Variants in TAF1 observed in about 807,000 individuals in gnomAD.
TAF1 encodes transcription initiation factor TFIID subunit 1.
TAF1 carries 2 observed loss-of-function variants against 138.5 expected under a neutral mutation model. The ratio of observed to expected loss-of-function variants is 0.01; its 90% CI spans 0.01 to 0.05. The LOEUF (loss-of-function observed/expected upper bound fraction) is 0.05. TAF1 is among the 10% of genes least tolerant of loss of function. The probability of loss-of-function intolerance (pLI) is 1.00; values close to 1 mark genes in which losing one functional copy is unlikely to be tolerated. For synonymous variants in TAF1, 437 were observed against 503.2 expected (o/e 0.87, Z 1.76); for missense variants, 709 against 1,478.0 (o/e 0.48, Z 8.53).
At chrX:71,448,106 T>C (rs1041119013) in intron 32 of TAF1, among the ~76,000 whole-genome samples, 5 of 112,136 alleles carry the variant, frequency 4.5e-5, no homozygotes, top group Non-Finnish European at 9.4e-5. Context: ...TCATTCATTT[T>C]GGTGTCATTC....
chrX:71,522,919 C>T (rs1359037010), intron 13 of TAF1, among the ~76,000 whole-genome samples: 3 of 107,186 alleles, frequency 2.8e-5, no homozygotes, highest in Non-Finnish European at 5.8e-5. Flanking sequence ...CAGTGGCTCA[C>T]GCCTGTAATC....
Position 71,383,106 on chromosome X carries a change from C to G in TAF1, c.1889C>G (p.Ser630Cys). The part of the protein sequence containing the change: ...PLKKYSFGAL[S>C]QPGPHSVQPL... ...AAAAAGTACTCATTTGGTGCACTTT[C>G]TCAGCCAGGTCCCCACTCAGTCCAA... The change falls in exon 12 of 38, where the codon TCT becomes TGT. Residue 630 changes from serine (S) to cysteine (C), a missense_variant. This residue lies in a region of TAF1 where 201 missense variants were observed against 421.3 expected (regional missense o/e 0.48). Transcript: ENST00000423759. 1 of 1,209,348 alleles carries G rather than the reference C, an allele frequency of 8.3e-7. No homozygotes were observed. Among genetic ancestry groups the G allele is most frequent in the Non-Finnish European group, 1.1e-6 (1 of 895,222 alleles).
chrX:71,412,039 A>G (rs756220341), intron 28 of TAF1, among the ~76,000 whole-genome samples: 33 of 111,076 alleles, frequency 3.0e-4, no homozygotes, highest in African/African-American at 9.8e-4. Flanking sequence ...TAAATCAGGC[A>G]TGAGCCACCA....
chrX:71,376,277 C>A (rs980416207), intron 4 of TAF1, among the ~76,000 whole-genome samples: 12 of 111,931 alleles, frequency 1.1e-4, no homozygotes, highest in African/African-American at 3.9e-4. Flanking sequence ...TAAAAAAATT[C>A]TCCAGCTCAT....
chrX:71,382,176 G>A (rs756792525), intron 9 of TAF1, among the ~76,000 whole-genome samples: 2 of 112,139 alleles, frequency 1.8e-5, no homozygotes, highest in South Asian at 7.3e-4. Context: ...TCATGGACTC[G>A]AAACTTCTAG....
intron 32 of TAF1, among the ~76,000 whole-genome samples, chrX:71,443,376 C>T (rs1168138234): frequency 1.8e-5 from 2 of 111,784 alleles, no homozygotes; most frequent in Non-Finnish European, 3.8e-5. Flanking sequence ...AGGTCCTTCA[C>T]ATCGCTTGTA....
At chrX:71,512,782 C>A (rs932004625) in intron 13 of TAF1, among the ~76,000 whole-genome samples, 1 of 111,030 alleles carries the variant, frequency 9.0e-6, no homozygotes. Context: ...TGTGCCACTG[C>A]ACTCCAGCCT....
intron 12 of TAF1, 117 bp from the exon 13 acceptor site, chrX:71,383,845 T>C: frequency 2.2e-6 from 2 of 900,271 alleles, no homozygotes; most frequent in Middle Eastern, 3.4e-4. Flanking sequence ...AAATTTTGAT[T>C]ATGAAATTGG....
At chrX:71,510,233 A>G (rs1392425580) in intron 13 of TAF1, among the ~76,000 whole-genome samples, 1 of 110,970 alleles carries the variant, frequency 9.0e-6, no homozygotes, top group Non-Finnish European at 1.9e-5. Flanking sequence ...GTTAGAGGCT[A>G]AGCTTTCAGG....
chrX:71,461,782 C>A (rs1039505459), intron 37 of TAF1, among the ~76,000 whole-genome samples: 5 of 111,603 alleles, frequency 4.5e-5, no homozygotes, highest in Non-Finnish European at 9.4e-5. Flanking sequence ...AGTAGGAAAC[C>A]TAAAACAGGT....
intron 7 of TAF1, 28 bp from the exon 8 acceptor site, chrX:71,378,796 A>T (rs751007852): frequency 8.4e-7 from 1 of 1,188,407 alleles, no homozygotes; most frequent in African/African-American, 1.8e-5. Context: ...CCAATCAAGG[A>T]TGTGTTTTTT....
Position 71,394,082 on chromosome X carries a change from T to C in TAF1, c.3243T>C (p.Thr1081=). Residue 1081 remains threonine (T), a synonymous_variant, in exon 22 of 38, where the codon ACT becomes ACC. Transcript: ENST00000423759. ...CTCTTTTTAGGGTTCTGTCATCAACTGAAGTCTTATCAACTGACACAGACA... is the reference window on the plus strand; with the variant it reads ...CTCTTTTTAGGGTTCTGTCATCAACCGAAGTCTTATCAACTGACACAGACA... ...FDLQNKVLSS[T]EVLSTDTDSS... 8.3e-7 allele frequency: 1 copy of C among 1,210,732 alleles called. No individual in the cohort carries two copies. The highest frequency in any genetic ancestry group is 1.1e-6 in the Non-Finnish European group (1 of 895,105).
Position 71,387,418 on chromosome X carries a change from C to T in TAF1, c.2384C>T (p.Pro795Leu). The T allele has an allele frequency of 8.3e-7, 1 of 1,211,761 alleles. No homozygotes were observed. The change falls in exon 15 of 38, where the codon CCT (proline) becomes CTT (leucine). Residue 795 changes from proline to leucine, a missense_variant. Physicochemically the swap from Pro to Leu is moderately conservative, Grantham distance 98. Coordinates refer to ENST00000423759, the MANE Select transcript of TAF1 (RefSeq NM_004606.5). ...TGTCCCTTGTTTGAAGTTCCTGGGC[C>T]TAACTCCAAAAGGGCCAATACGCAT... ...QQCPLFEVPG[P>L]NSKRANTHIR...
chrX:71,371,158 A>G (rs1336956356), intron 3 of TAF1, among the ~76,000 whole-genome samples: 1 of 111,777 alleles, frequency 8.9e-6, no homozygotes, highest in African/African-American at 3.3e-5. Context: ...GGTGAGTTTT[A>G]TGAGCTAACT....
chrX:71,484,912 C>A lies in TAF1; in HGVS notation c.1366+24109C>A, dbSNP rs2039143961. 2.7e-5 allele frequency: 3 copies of A among 112,030 alleles called. No individual in the cohort carries two copies. The Admixed American group carries it at 2.9e-4, about 11-fold the overall frequency. 9.2% of individuals were successfully genotyped at this position (112,030 alleles called of 1,213,427 possible). The stretch of plus-strand genomic sequence containing the variant: ...ATGAACTTCAATACCCTGATGAAAC[C>A]AGCTGCTGTGTTGTTGTGAGCTCCC... On this transcript the variant is annotated intron_variant and NMD_transcript_variant, in intron 13 of 14. Coordinates refer to the TAF1 transcript ENST00000373775.
rs148107654 is a variant in TAF1, at chrX:71,526,779, G to A, written c.1367-1763G>A. Reference sequence around the variant, plus strand: ...CCATTTGAAGAGACAACAATTTTTAGGCCAGTAATTACAGGCATCCATCAT... The same window carrying A: ...CCATTTGAAGAGACAACAATTTTTAAGCCAGTAATTACAGGCATCCATCAT... On this transcript the variant is annotated intron_variant and NMD_transcript_variant, in intron 13 of 14. Transcript: ENST00000373775. Among the ~76,000 whole-genome samples the A allele has an allele frequency of 4.2e-3, 456 of 109,641 alleles. 4 individuals carry two copies. The highest frequency in any genetic ancestry group is 0.014 in the African/African-American group (423 of 30,154).
At chrX:71,448,579 C>G (rs985402791) in intron 32 of TAF1, among the ~76,000 whole-genome samples, 3 of 111,593 alleles carry the variant, frequency 2.7e-5, no homozygotes, top group Non-Finnish European at 5.6e-5. Context: ...AGTGGTTTGC[C>G]AGTTCCACCA....
intron 13 of TAF1, among the ~76,000 whole-genome samples, chrX:71,481,598 C>T (rs2039073282): frequency 9.0e-6 from 1 of 111,422 alleles, no homozygotes; most frequent in South Asian, 3.8e-4. Context: ...CGCTCTGTTG[C>T]CCAGGCTGGA....
chrX:71,503,268 CA>C (rs1224612515), intron 13 of TAF1, among the ~76,000 whole-genome samples: 1,388 of 67,007 alleles, frequency 0.021, 38 homozygotes, highest in African/African-American at 0.088. Flanking sequence ...GAGACTGTCT[CA>C]AAAAAAAAAT....
Sources: allele counts gnomAD v4.1 joint callset (sites outside exome capture counted in the v4.1 genomes callset), GRCh38; gene constraint gnomAD v4.1.1; regional missense constraint gnomAD v4.1.1; transcripts MANE v1.5; gene names NCBI Gene and HGNC (gene_info 2026-07-23, HGNC 2026-07-21).